A2ML1: variants seen among roughly 807,000 people sequenced by gnomAD.
The protein encoded by A2ML1 is alpha-2-macroglobulin-like protein 1.
Under a neutral mutation model 181.9 loss-of-function variants are expected in A2ML1, and 161 were observed. The observed-to-expected ratio is 0.89, with a 90% CI of 0.78 to 1.01. The LOEUF (loss-of-function observed/expected upper bound fraction) is 1.01, where lower values mean the gene tolerates loss of function less well. A2ML1 is among the 50% of genes least tolerant of loss of function. The pLI, the probability that A2ML1 is intolerant of heterozygous loss-of-function variation, is 0.00. For synonymous variants in A2ML1, 663 were observed against 666.8 expected (o/e 0.99, Z 0.09); for missense variants, 1,670 against 1,768.1 (o/e 0.94, Z 1.00).
intron 26 of A2ML1, among the ~76,000 whole-genome samples, chr12:8,859,574 C>A (rs1487206766): frequency 1.3e-5 from 2 of 151,440 alleles, no homozygotes; most frequent in African/African-American, 4.9e-5. Context: ...CCTTTTTTTT[C>A]TTTTCTTTTT....
At position 8,868,258 on chromosome 12, in the gene A2ML1, C is replaced by A. The variant is rs190379856; in HGVS notation, c.3962C>A (p.Pro1321His). Reference sequence around the variant, plus strand: ...GTGTTGAGATACAATATTCTCCCTCCCACAAATATGAAGACCTTTAGTCTT... The same window carrying A: ...GTGTTGAGATACAATATTCTCCCTCACACAAATATGAAGACCTTTAGTCTT... ...QTVLRYNILPPTNMKTFSLSV... is the reference protein window; with the variant it reads ...QTVLRYNILPHTNMKTFSLSV... Residue 1321 changes from proline (P) to histidine (H), a missense_variant, in exon 31 of 36, where the codon CCC becomes CAC. By Grantham distance (77) the Pro-to-His change is moderately conservative. Transcript: ENST00000299698. The A allele has an allele frequency of 1.9e-6, 3 of 1,613,754 alleles. No individual in the cohort carries two copies. The highest frequency in any genetic ancestry group is 2.2e-5 in the South Asian group (2 of 90,906).
At chr12:8,884,439 T>C (rs1025823886) in intron 7 of A2ML1, among the ~76,000 whole-genome samples, 6 of 152,062 alleles carry the variant, frequency 3.9e-5, no homozygotes, top group Admixed American at 3.3e-4. Context: ...CTCCGTCGAG[T>C]AGACTCCAGT....
chr12:8,847,310 C>A (rs896303333), intron 14 of A2ML1, among the ~76,000 whole-genome samples: 2 of 149,072 alleles, frequency 1.3e-5, no homozygotes, highest in Non-Finnish European at 1.5e-5. Flanking sequence ...TCCACATGTT[C>A]TCTCTACTTT....
chr12:8,823,886 A>G lies in A2ML1; in HGVS notation c.409+4A>G. 6.2e-7 allele frequency: 1 copy of G among 1,608,494 alleles called. No homozygotes were observed. Among genetic ancestry groups the G allele is most frequent in the Non-Finnish European group, 8.5e-7 (1 of 1,176,860 alleles). On this transcript the variant is annotated splice_donor_region_variant and intron_variant, in intron 3 of 35. Transcript: ENST00000299698. ...CTCTACACCCCAGGGCAGCAAGGTA[A>G]GAGTCACATATTTGGGGTTCGACTA...
At chr12:8,881,536 A>G (rs1330250588), downstream of A2ML1, among the ~76,000 whole-genome samples, 1 of 152,160 alleles carries the variant, frequency 6.6e-6, no homozygotes, top group Non-Finnish European at 1.5e-5. Context: ...TTTCCTTCAT[A>G]AGGGGAAATT....
rs766100204 is a variant in A2ML1, at chr12:8,845,503, G to A, written c.1537+1G>A. ...AAACACCTGAACTCTAAGAAGAAAG[G>A]TGAGTGTACATGCTTTTCCCGGAAG... On this transcript the variant is annotated splice_donor_variant, in intron 13 of 35. Transcript: ENST00000299698. LOFTEE classifies it high-confidence loss of function. 6.2e-6 allele frequency: 10 copies of A among 1,614,016 alleles called. No homozygotes were observed. In the East Asian group the frequency reaches 1.8e-4, roughly 29 times the overall value.
At chr12:8,879,351 C>T (rs779672864), downstream of A2ML1, among the ~76,000 whole-genome samples, 2 of 151,706 alleles carry the variant, frequency 1.3e-5, no homozygotes, top group African/African-American at 2.4e-5. Context: ...ATTAGCTGGG[C>T]GTGGTGGCAT....
At chr12:8,842,509 G>A (rs550109514) in intron 11 of A2ML1, among the ~76,000 whole-genome samples, 46 of 152,162 alleles carry the variant, frequency 3.0e-4, no homozygotes, top group African/African-American at 6.0e-4. Context: ...GTGAGCCACC[G>A]CGCCCGGCCC....
intron 7 of A2ML1, among the ~76,000 whole-genome samples, chr12:8,882,062 T>C (rs1944877407): frequency 6.6e-6 from 1 of 151,084 alleles, no homozygotes; most frequent in African/African-American, 2.4e-5. Context: ...ATGGTGAAGA[T>C]GTTGAGATAG....
rs74582459 is a variant in A2ML1 at position 8,851,792 on chromosome 12, G to A, written c.2243G>A (p.Gly748Glu). 7.6e-4 allele frequency: 1,226 copies of A among 1,614,036 alleles called. 11 individuals carry two copies. The East Asian group carries it at 0.023, about 31-fold the overall frequency. ...TCCTTGTGTTTTCACAGTAACTCGG[G>A]GAAGGAGGCGGTCCACGTCACAGTT... ...LWDLFPIGNS[G>E]KEAVHVTVPD... Residue 748 changes from glycine (G) to glutamate (E), a missense_variant, in exon 19 of 36, where the codon GGG (glycine) becomes GAG (glutamate). Transcript: ENST00000299698.
In A2ML1 at chr12:8,854,811, G is replaced by A; in HGVS notation, c.2744G>A (p.Ser915Asn). Reference protein sequence around the residue: ...PEGVLVEKTHSSLLCPKGKVA... With the variant: ...PEGVLVEKTHNSLLCPKGKVA... Reference sequence around the variant, plus strand: ...GGAGTCCTGGTGGAGAAGACACACAGCTCATTGCTGTGCCCAAAAGGTGGG... The same window carrying A: ...GGAGTCCTGGTGGAGAAGACACACAACTCATTGCTGTGCCCAAAAGGTGGG... The change falls in exon 22 of 36, where the codon AGC (serine) becomes AAC (asparagine). Residue 915 changes from serine (S) to asparagine (N), a missense_variant. Ser to Asn is a conservative substitution (Grantham distance 46). Transcript: ENST00000299698. 6.2e-7 allele frequency: 1 copy of A among 1,614,010 alleles called. No individual in the cohort carries two copies. The highest frequency in any genetic ancestry group is 1.1e-5 in the South Asian group (1 of 91,072).
At chr12:8,877,922 T>C (rs141507969), downstream of A2ML1, among the ~76,000 whole-genome samples, 728 of 152,214 alleles carry the variant, frequency 4.8e-3, 6 homozygotes, top group African/African-American at 0.016. Flanking sequence ...AGCAAAGACA[T>C]GGAATCAGCC....
At position 8,874,442 on chromosome 12, in the gene A2ML1, G is replaced by C; in HGVS notation, c.4239G>C (p.Gln1413His). 1 of 1,613,968 alleles carries C rather than the reference G, an allele frequency of 6.2e-7. No individual in the cohort carries two copies. The highest frequency in any genetic ancestry group is 1.1e-5 in the South Asian group (1 of 91,062). Reference protein sequence around the residue: ...IYLDELIKNTQTYTFTISQSV... With the variant: ...IYLDELIKNTHTYTFTISQSV... ...CCCCACAGCTCATTAAGAACACTCAGACTTACACCTTCACCATCAGCCAAA... is the reference window on the plus strand; with the variant it reads ...CCCCACAGCTCATTAAGAACACTCACACTTACACCTTCACCATCAGCCAAA... Residue 1413 changes from glutamine to histidine, a missense_variant, in exon 34 of 36, where the codon CAG becomes CAC. By Grantham distance (24) the Gln-to-His change is conservative. Transcript: ENST00000299698.
At position 8,851,849 on chromosome 12, in the gene A2ML1, G is replaced by GT. The variant is rs760008292; in HGVS notation, c.2303dup (p.Cys769LeufsTer25). The GT allele has an allele frequency of 1.2e-6, 2 of 1,614,224 alleles. No individual in the cohort carries two copies. The highest frequency in any genetic ancestry group is 1.7e-6 in the Non-Finnish European group (2 of 1,180,040). On this transcript the variant is annotated frameshift_variant, in exon 19 of 36. Coordinates refer to ENST00000299698, the MANE Select transcript of A2ML1 (RefSeq NM_144670.6). LOFTEE classifies it high-confidence loss of function. ...GCCATCACCGAGTGGAAGGCGATGA[G>GT]TTTCTGCACTTCCCAGTCAAGAGGC...
intron 33 of A2ML1, among the ~76,000 whole-genome samples, chr12:8,873,123 G>T (rs988821710): frequency 6.6e-6 from 1 of 151,958 alleles, no homozygotes; most frequent in Admixed American, 6.6e-5. Context: ...ATGCAATCTC[G>T]GGGATCCCTG....
Position 8,861,256 on chromosome 12 carries a change from A to G in A2ML1, c.3461A>G (p.Asn1154Ser). 1 of 1,614,128 alleles carries G rather than the reference A, an allele frequency of 6.2e-7. No homozygotes were observed. Among genetic ancestry groups the G allele is most frequent in the Non-Finnish European group, 8.5e-7 (1 of 1,180,038 alleles). The stretch of plus-strand genomic sequence containing the variant: ...CTGGCTGGGGAAATGGACATCAGAA[A>G]CATTCTCCTTAAACAGTTAGATCAA... ...FSLAGEMDIR[N>S]ILLKQLDQQA... Residue 1154 changes from asparagine (N) to serine (S), a missense_variant, in exon 28 of 36, where the codon AAC (asparagine) becomes AGC (serine). Transcript: ENST00000299698.
intron 26 of A2ML1, among the ~76,000 whole-genome samples, chr12:8,859,835 G>A (rs1384931114): frequency 6.6e-6 from 1 of 151,934 alleles, no homozygotes; most frequent in Non-Finnish European, 1.5e-5. Context: ...CAAAGTGCTG[G>A]GATTACAAGC....
intron 5 of A2ML1, chr12:8,835,047 C>T: frequency 3.3e-6 from 1 of 304,648 alleles, no homozygotes; most frequent in Non-Finnish European, 6.1e-6. Context: ...ACATAAACAC[C>T]TGTGAGAAGT....
intron 23 of A2ML1, among the ~76,000 whole-genome samples, chr12:8,855,910 C>A (rs79689192): frequency 0.026 from 4,012 of 152,198 alleles, 187 homozygotes; most frequent in African/African-American, 0.09. Context: ...ATTTTCAAAA[C>A]TGAGGAATTT....
Sources: allele counts gnomAD v4.1 joint callset (sites outside exome capture counted in the v4.1 genomes callset), GRCh38; gene constraint gnomAD v4.1.1; transcripts MANE v1.5; gene names NCBI Gene and HGNC (gene_info 2026-07-23, HGNC 2026-07-21).